GRM7: variants seen among roughly 807,000 people sequenced by gnomAD.
GRM7 encodes metabotropic glutamate receptor 7.
A neutral mutation model predicts 84.5 loss-of-function variants in GRM7; 35 were observed. That is an observed-to-expected ratio of 0.41 (90% CI 0.32 to 0.55). The LOEUF is 0.55. GRM7 is among the 20% of genes least tolerant of loss of function. The pLI, the probability that GRM7 is intolerant of heterozygous loss-of-function variation, is 0.19. For synonymous variants in GRM7, 487 were observed against 455.1 expected, an observed-to-expected ratio of 1.07 and a Z score of -0.89; for missense variants, 1,003 against 1,194.6, an observed-to-expected ratio of 0.84 and a Z score of 2.36.
intron 5 of GRM7, among the ~76,000 whole-genome samples, chr3:7,432,948 A>T (rs1696891144): frequency 6.6e-6 from 1 of 152,180 alleles, no homozygotes; most frequent in Admixed American, 6.5e-5. Flanking sequence ...AAAAGAAGGA[A>T]TTTATAAACA....
chr3:7,667,965 G>A (rs1466357027), intron 8 of GRM7, among the ~76,000 whole-genome samples: 2 of 152,056 alleles, frequency 1.3e-5, no homozygotes, highest in Non-Finnish European at 2.9e-5. Context: ...TAACCTGGGT[G>A]TTAGCACAAG....
intron 1 of GRM7, among the ~76,000 whole-genome samples, chr3:6,942,601 G>A (rs1199744439): frequency 6.6e-6 from 1 of 151,958 alleles, no homozygotes; most frequent in Non-Finnish European, 1.5e-5. Flanking sequence ...CCATTGTATA[G>A]TTCACACCAC....
chr3:7,469,314 G>A (rs188135630), intron 7 of GRM7, among the ~76,000 whole-genome samples: 40 of 152,326 alleles, frequency 2.6e-4, no homozygotes, highest in Middle Eastern at 6.8e-3. Context: ...CTGTAAGCTT[G>A]TTCCAAGTGC....
chr3:7,686,589 T>C, intron 9 of GRM7: 1 of 594,112 alleles, frequency 1.7e-6, no homozygotes, highest in Non-Finnish European at 3.1e-6. Flanking sequence ...ATCGATTTGA[T>C]AAGCTTAGTG....
intron 1 of GRM7, among the ~76,000 whole-genome samples, chr3:7,128,508 GT>G (rs1337942490): frequency 0.28 from 21,255 of 74,856 alleles, 3,825 homozygotes; most frequent in African/African-American, 0.42. Flanking sequence ...AGACTTCCTT[GT>G]TTTTTTTTTT....
chr3:6,862,940 C>T lies in GRM7; in HGVS notation c.519+1033C>T, dbSNP rs1434575729. On this transcript the variant is annotated intron_variant, in intron 1 of 9. Transcript: ENST00000357716. This position sits in a 1 kb window ranked among gnomAD's most constrained non-coding sequence, Gnocchi z 5.2. ...GGGGCCGCTGAGCGGTGGGTTCTGC[C>T]GCAGTGTTCTCTCGCCTCCTGCTCC... The T allele has an allele frequency of 1.1e-5, 5 of 452,824 alleles. No homozygotes were observed. Among genetic ancestry groups the T allele is most frequent in the South Asian group, 3.1e-5 (2 of 64,030 alleles). The allele number at this position is 452,824 out of a possible 1,614,324, so 28.1% of individuals were successfully genotyped here. A position where few individuals can be genotyped will look rare whatever the true frequency, so the allele number is the denominator to read the frequency against.
chr3:7,200,509 T>A (rs114619035), intron 2 of GRM7, among the ~76,000 whole-genome samples: 122 of 152,368 alleles, frequency 8.0e-4, no homozygotes, highest in African/African-American at 2.8e-3. Flanking sequence ...TTCTGATTTC[T>A]AACAAGCTCC....
intron 1 of GRM7, among the ~76,000 whole-genome samples, chr3:7,046,233 T>A (rs1696802853): frequency 6.6e-6 from 1 of 152,130 alleles, no homozygotes; most frequent in Admixed American, 6.6e-5. Flanking sequence ...TTTTTGTTTG[T>A]TTGTTTGCTA....
intron 9 of GRM7, among the ~76,000 whole-genome samples, chr3:7,737,227 T>C (rs377198148): frequency 6.6e-6 from 1 of 152,184 alleles, no homozygotes; most frequent in Non-Finnish European, 1.5e-5. Context: ...CTTTCTTAAG[T>C]AGCAATGGTG....
At chr3:7,408,087 C>G (rs1328827518) in intron 4 of GRM7, among the ~76,000 whole-genome samples, 3 of 152,190 alleles carry the variant, frequency 2.0e-5, no homozygotes, top group Non-Finnish European at 4.4e-5. Flanking sequence ...CTCATTTGCT[C>G]AAGGTCATCT....
chr3:6,954,102 GTACCCCACAAA>G (rs1218931859), intron 1 of GRM7, among the ~76,000 whole-genome samples: 2 of 152,088 alleles, frequency 1.3e-5, no homozygotes, highest in African/African-American at 4.8e-5. Context: ...TGCATAGAAT[GTACCCCACAAA>G]TACTTACAAA....
chr3:7,036,673 G>C (rs972476628), intron 1 of GRM7, among the ~76,000 whole-genome samples: 1 of 152,152 alleles, frequency 6.6e-6, no homozygotes, highest in South Asian at 2.1e-4. Flanking sequence ...TGATTGAATA[G>C]AAAAGGTCCC....
chr3:7,106,464 A>G (rs1367946785), intron 1 of GRM7, among the ~76,000 whole-genome samples: 1 of 151,204 alleles, frequency 6.6e-6, no homozygotes, highest in African/African-American at 2.5e-5. Flanking sequence ...TGGGCAGCCA[A>G]AAAGGAAAAA....
intron 5 of GRM7, among the ~76,000 whole-genome samples, chr3:7,427,271 T>G (rs577574657): frequency 6.6e-6 from 1 of 152,322 alleles, no homozygotes; most frequent in East Asian, 1.9e-4. Context: ...AACTAAGAAA[T>G]GTATTGGTCT....
chr3:7,206,094 G>GAC (rs1696231188), intron 2 of GRM7, among the ~76,000 whole-genome samples: 1 of 151,818 alleles, frequency 6.6e-6, no homozygotes, highest in Non-Finnish European at 1.5e-5. Context: ...GGTAAGCGGG[G>GAC]ATGAAAATGC....
intron 1 of GRM7, among the ~76,000 whole-genome samples, chr3:7,007,425 A>T (rs1201691344): frequency 6.6e-6 from 1 of 152,224 alleles, no homozygotes; most frequent in Non-Finnish European, 1.5e-5. Flanking sequence ...CCCCAAAAAT[A>T]GAAATAATAT....
chr3:7,233,296 T>A (rs1436566109), intron 2 of GRM7, among the ~76,000 whole-genome samples: 1 of 152,178 alleles, frequency 6.6e-6, no homozygotes, highest in Non-Finnish European at 1.5e-5. Flanking sequence ...CTAAAAAGAC[T>A]TCTTGATCAC....
intron 4 of GRM7, among the ~76,000 whole-genome samples, chr3:7,394,808 C>A (rs1339892850): frequency 1.3e-5 from 2 of 152,014 alleles, no homozygotes; most frequent in Admixed American, 1.3e-4. Context: ...GAGGCCAAGG[C>A]GGGCAGGTCA....
chr3:7,458,038 C>T (rs1243554911), intron 6 of GRM7, among the ~76,000 whole-genome samples: 9 of 152,146 alleles, frequency 5.9e-5, no homozygotes, highest in Admixed American at 1.3e-4. Context: ...ATGCAACGTT[C>T]CTGGAATCTG....
Sources: allele counts gnomAD v4.1 joint callset (sites outside exome capture counted in the v4.1 genomes callset), GRCh38; gene constraint gnomAD v4.1.1; non-coding constraint Gnocchi (gnomAD v3.1); transcripts MANE v1.5; gene names NCBI Gene and HGNC (gene_info 2026-07-23, HGNC 2026-07-21).